ATP2B2: variants seen among roughly 807,000 people sequenced by gnomAD.
The protein encoded by ATP2B2 is plasma membrane calcium-transporting ATPase 2.
Under a neutral mutation model 120.0 loss-of-function variants are expected in ATP2B2, and 15 were observed. The observed-to-expected ratio is 0.12, with a 90% CI of 0.08 to 0.19. The LOEUF is 0.19. Among genes scored for constraint, ATP2B2 ranks in the 10% least tolerant of loss-of-function variants. The pLI is 1.00. For missense variants in ATP2B2, 1,045 were observed against 1,719.8 expected (o/e 0.61, Z 6.94); for synonymous variants, 694 against 700.3 (o/e 0.99, Z 0.14).
chr3:10,513,215 G>A (rs756035150), intron 3 of ATP2B2, among the ~76,000 whole-genome samples: 4 of 152,196 alleles, frequency 2.6e-5, no homozygotes, highest in Non-Finnish European at 4.4e-5. Context: ...GGGTTTCCTC[G>A]AGGGGGTGAT....
At chr3:10,460,193 C>T (rs1260618443) in intron 1 of ATP2B2, among the ~76,000 whole-genome samples, 5 of 152,220 alleles carry the variant, frequency 3.3e-5, no homozygotes, top group African/African-American at 9.7e-5. Flanking sequence ...CTGATAACTA[C>T]AGGCCCCCTC....
At chr3:10,685,639 T>C (rs561577988) in intron 1 of ATP2B2, among the ~76,000 whole-genome samples, 1 of 152,350 alleles carries the variant, frequency 6.6e-6, no homozygotes, top group African/African-American at 2.4e-5. Flanking sequence ...ATGTGCCATG[T>C]GGCTGCTTCC....
At chr3:10,513,083 G>C (rs2066804806) in intron 3 of ATP2B2, among the ~76,000 whole-genome samples, 1 of 152,188 alleles carries the variant, frequency 6.6e-6, no homozygotes, top group Non-Finnish European at 1.5e-5. Flanking sequence ...CTGCTCTCAA[G>C]AGGGTTTAGA....
At chr3:10,426,302 C>T (rs1028460847) in intron 2 of ATP2B2, among the ~76,000 whole-genome samples, 1 of 152,158 alleles carries the variant, frequency 6.6e-6, no homozygotes, top group Admixed American at 6.5e-5. Context: ...CCCTTGCTGA[C>T]TCTAAGCTCC....
At chr3:10,477,655 C>T (rs572866513) in intron 1 of ATP2B2, among the ~76,000 whole-genome samples, 1 of 152,250 alleles carries the variant, frequency 6.6e-6, no homozygotes, top group African/African-American at 2.4e-5. Context: ...AGTATTTGTC[C>T]CTTTATGGCT....
At position 10,611,640 on chromosome 3, in the gene ATP2B2, A is replaced by ACCC. The variant is rs147897436; in HGVS notation, c.-415+8274_-415+8276dup. On this transcript the variant is annotated intron_variant, in intron 2 of 21. Transcript: ENST00000646379. ...CCACTTCTTCTCTGACTGGGTCCTC[A>ACCC]CCCAGGATCTCCCAAACTCACATAG... Among the ~76,000 whole-genome samples, 826 of 152,166 alleles carry ACCC rather than the reference A, an allele frequency of 5.4e-3. 26 individuals carry two copies. In the South Asian group the frequency reaches 0.075, roughly 14 times the overall value.
chr3:10,704,050 T>C (rs1268813166), intron 1 of ATP2B2, among the ~76,000 whole-genome samples: 1 of 152,170 alleles, frequency 6.6e-6, no homozygotes, highest in African/African-American at 2.4e-5. Context: ...TTACCCCATC[T>C]TCCCCTCACT....
At chr3:10,460,118 T>G (rs1322569795) in intron 1 of ATP2B2, among the ~76,000 whole-genome samples, 1 of 152,168 alleles carries the variant, frequency 6.6e-6, no homozygotes, top group East Asian at 1.9e-4. Context: ...TCTCTGGGAA[T>G]GAAGTGCTGA....
rs2069072552 is a variant in ATP2B2 at position 10,606,556 on chromosome 3, G to A, written c.-415+13361C>T. ...GCTTGTATATTGGGTTGGAGGTCCA[G>A]TTCCCTTACTTAGTTAACTCTGGAA... On this transcript the variant is annotated intron_variant, in intron 2 of 21. Transcript: ENST00000646379. Among the ~76,000 whole-genome samples the A allele has an allele frequency of 1.3e-5, 2 of 152,138 alleles. 1 individual carries two copies. The highest frequency in any genetic ancestry group is 4.1e-4 in the South Asian group (2 of 4,828).
chr3:10,485,397 A>G (rs2065603322), intron 1 of ATP2B2, among the ~76,000 whole-genome samples: 4 of 152,174 alleles, frequency 2.6e-5, no homozygotes. Flanking sequence ...AGGAAGGAAC[A>G]AAGGGTGAGC....
intron 12 of ATP2B2, among the ~76,000 whole-genome samples, chr3:10,363,556 A>T (rs1321545309): frequency 6.6e-6 from 1 of 152,192 alleles, no homozygotes. Flanking sequence ...CTTTGAGAGG[A>T]CAATTCGTGC....
chr3:10,611,188 TG>T (rs1479306986), intron 2 of ATP2B2, among the ~76,000 whole-genome samples: 1 of 152,200 alleles, frequency 6.6e-6, no homozygotes, highest in Non-Finnish European at 1.5e-5. Flanking sequence ...CTCCTGGTTT[TG>T]GGGGGACATT....
At chr3:10,434,093 G>T (rs1286482615) in intron 2 of ATP2B2, among the ~76,000 whole-genome samples, 1 of 152,236 alleles carries the variant, frequency 6.6e-6, no homozygotes, top group Non-Finnish European at 1.5e-5. Context: ...CAGCTAGGGG[G>T]TGGGGCATAC....
At chr3:10,449,202 G>C in intron 2 of ATP2B2, 143 bp downstream of exon 2, 1 of 961,298 alleles carries the variant, frequency 1.0e-6, no homozygotes, top group East Asian at 2.6e-5. Context: ...TACTCAGCTA[G>C]AATGCACTAC....
chr3:10,338,058 G>A (rs1157280249), intron 22 of ATP2B2, 118 bp downstream of exon 22: 4 of 1,401,866 alleles, frequency 2.9e-6, no homozygotes, highest in Middle Eastern at 2.2e-4. Flanking sequence ...GGACCCCTCT[G>A]TAGCCACCCT....
chr3:10,683,724 G>A (rs1229291077), intron 1 of ATP2B2, among the ~76,000 whole-genome samples: 1 of 138,272 alleles, frequency 7.2e-6, no homozygotes, highest in Non-Finnish European at 1.5e-5. Context: ...ATACATGTGT[G>A]TGTGTATATA....
chr3:10,604,098 C>T (rs2068997062), intron 2 of ATP2B2, among the ~76,000 whole-genome samples: 1 of 152,190 alleles, frequency 6.6e-6, no homozygotes, highest in South Asian at 2.1e-4. Context: ...TGGTGAGAAA[C>T]ACCACTGAGT....
intron 1 of ATP2B2, among the ~76,000 whole-genome samples, chr3:10,683,224 G>A (rs1306377721): frequency 6.6e-6 from 1 of 151,140 alleles, no homozygotes; most frequent in Non-Finnish European, 1.5e-5. Context: ...TCACAAGGGA[G>A]AGTTCTGGAA....
At chr3:10,552,776 G>A (rs1171354600) in intron 2 of ATP2B2, among the ~76,000 whole-genome samples, 1 of 152,240 alleles carries the variant, frequency 6.6e-6, no homozygotes, top group Admixed American at 6.5e-5. Context: ...ATGGGTGTCT[G>A]TGGGCATGTG....
Sources: gnomAD v4.1 joint callset for allele counts (sites outside exome capture counted in the v4.1 genomes callset) on GRCh38, gnomAD v4.1.1 for gene constraint, MANE v1.5 for transcripts, NCBI Gene and HGNC (gene_info 2026-07-23, HGNC 2026-07-21) for gene names.